RPH3AL: variants seen among roughly 807,000 people sequenced by gnomAD.
The protein encoded by RPH3AL is rabphilin 3A like (without C2 domains).
Under a neutral mutation model 43.1 loss-of-function variants are expected in RPH3AL, and 38 were observed. The ratio of observed to expected loss-of-function variants is 0.88; its 90% CI spans 0.68 to 1.15. The LOEUF (loss-of-function observed/expected upper bound fraction) is 1.15, where lower values mean the gene tolerates loss of function less well. Ranked by LOEUF, RPH3AL falls within the 50% of genes most tolerant of loss-of-function variation. The probability of loss-of-function intolerance (pLI) is 0.00; values close to 1 mark genes in which losing one functional copy is unlikely to be tolerated. For missense variants in RPH3AL, 462 were observed against 423.2 expected, an observed-to-expected ratio of 1.09 and a Z score of -0.81; for synonymous variants, 189 against 176.3, an observed-to-expected ratio of 1.07 and a Z score of -0.57.
chr17:336,578 C>A (rs908116303), intron 1 of RPH3AL, among the ~76,000 whole-genome samples: 2 of 152,200 alleles, frequency 1.3e-5, no homozygotes, highest in Admixed American at 6.5e-5. Context: ...TGCCTTGGAA[C>A]CTGCTGGGGC....
intron 7 of RPH3AL, among the ~76,000 whole-genome samples, chr17:230,456 T>C (rs2041206214): frequency 6.6e-6 from 1 of 152,094 alleles, no homozygotes; most frequent in African/African-American, 2.4e-5. Flanking sequence ...CTGGACGAGC[T>C]GGAATTTAAG....
intron 6 of RPH3AL, among the ~76,000 whole-genome samples, chr17:257,193 C>T (rs113922511): frequency 0.037 from 372 of 10,100 alleles, 1 homozygote; most frequent in African/African-American, 0.07. Flanking sequence ...TGAGGGGAGC[C>T]GCACGGTGTC....
intron 5 of RPH3AL, among the ~76,000 whole-genome samples, chr17:296,915 C>T (rs1380873080): frequency 6.6e-6 from 1 of 152,144 alleles, no homozygotes; most frequent in East Asian, 1.9e-4. Flanking sequence ...CAGAATCATC[C>T]CCTTCAAGCA....
chr17:282,549 GC>G (rs2151608006), intron 5 of RPH3AL, among the ~76,000 whole-genome samples: 1 of 152,186 alleles, frequency 6.6e-6, no homozygotes, highest in South Asian at 2.1e-4. Context: ...AAGACCCCAC[GC>G]CTGGGAGCTT....
chr17:285,913 G>A (rs73278950), intron 5 of RPH3AL, among the ~76,000 whole-genome samples: 2,361 of 152,226 alleles, frequency 0.016, 61 homozygotes, highest in African/African-American at 0.053. Flanking sequence ...ACTAATCCAC[G>A]TTACCATCAC....
chr17:336,523 G>A (rs910416248), intron 1 of RPH3AL, among the ~76,000 whole-genome samples: 3 of 152,022 alleles, frequency 2.0e-5, no homozygotes, highest in Non-Finnish European at 4.4e-5. Flanking sequence ...TCCCAGCTCC[G>A]ATGCTCCTCC....
In RPH3AL at chr17:314,527, T is replaced by C. The variant is rs1178684753; in HGVS notation, c.351+4893A>G. Among the ~76,000 whole-genome samples, 3 of 129,546 alleles carry C rather than the reference T, an allele frequency of 2.3e-5. No individual in the cohort carries two copies. In the Admixed American group the frequency reaches 2.3e-4, roughly 10 times the overall value. 85.0% of individuals were successfully genotyped at this position (129,546 alleles called of 152,430 possible). A position where few individuals can be genotyped will look rare whatever the true frequency, so the allele number is the denominator to read the frequency against. On this transcript the variant is annotated intron_variant, in intron 5 of 9. Coordinates refer to ENST00000331302, the MANE Select transcript of RPH3AL (RefSeq NM_006987.4). ...CACGTCCATTGACCTGTAGTCCCTGTGACTCCACCTCCATTGACCTGTAGT... is the reference window on the plus strand; with the variant it reads ...CACGTCCATTGACCTGTAGTCCCTGCGACTCCACCTCCATTGACCTGTAGT...
intron 1 of RPH3AL, among the ~76,000 whole-genome samples, chr17:352,023 G>A (rs1036906879): frequency 1.3e-5 from 2 of 152,154 alleles, no homozygotes; most frequent in Non-Finnish European, 1.5e-5. Context: ...AACTGGCCAC[G>A]CGGCCTTCCA....
chr17:283,025 G>T lies in RPH3AL; in HGVS notation c.352-1171C>A, dbSNP rs528072485. 6.6e-6 allele frequency among the ~76,000 whole-genome samples: 1 copy of T among 152,298 alleles called. No individual in the cohort carries two copies. The highest frequency in any genetic ancestry group is 2.1e-4 in the South Asian group (1 of 4,830). The stretch of plus-strand genomic sequence containing the variant: ...CTGGGAGGCAGAGGTGGATGTGTTG[G>T]GGCTGAGACCGGCTCCAGGCTAACC... On this transcript the variant is annotated intron_variant, in intron 5 of 9. Coordinates refer to ENST00000331302, the MANE Select transcript of RPH3AL (RefSeq NM_006987.4). This position sits in a 1 kb window ranked among gnomAD's most constrained non-coding sequence, Gnocchi z 4.2.
chr17:230,336 T>C (rs996662448), intron 7 of RPH3AL, among the ~76,000 whole-genome samples: 1 of 152,076 alleles, frequency 6.6e-6, no homozygotes, highest in Admixed American at 6.5e-5. Context: ...CTTGAGGAGC[T>C]CCAGATAGAA....
intron 7 of RPH3AL, among the ~76,000 whole-genome samples, chr17:240,173 G>A (rs549487861): frequency 8.3e-4 from 126 of 151,258 alleles, no homozygotes; most frequent in Admixed American, 2.3e-3. Context: ...GGAGGTGGAG[G>A]TTGCAGTGAG....
At chr17:307,339 TCCTCCCC>T (rs1304891158) in intron 5 of RPH3AL, among the ~76,000 whole-genome samples, 8 of 127,134 alleles carry the variant, frequency 6.3e-5, no homozygotes, top group African/African-American at 1.9e-4. Context: ...CCACGGCAGG[TCCTCCCC>T]GCGGCAGGTC....
intron 1 of RPH3AL, among the ~76,000 whole-genome samples, chr17:337,762 G>C (rs958258386): frequency 1.3e-5 from 2 of 151,442 alleles, no homozygotes; most frequent in Non-Finnish European, 2.9e-5. Context: ...CGCTGCTCGA[G>C]GGCTGGGCAG....
chr17:289,058 CG>C lies in RPH3AL; in HGVS notation c.352-7205del, dbSNP rs2042986933. Among the ~76,000 whole-genome samples the C allele has an allele frequency of 6.6e-6, 1 of 152,178 alleles. No individual in the cohort carries two copies. Among genetic ancestry groups the C allele is most frequent in the South Asian group, 2.1e-4 (1 of 4,822 alleles). On this transcript the variant is annotated intron_variant, in intron 5 of 9. Transcript: ENST00000331302. This position sits in a 1 kb window ranked among gnomAD's most constrained non-coding sequence, Gnocchi z 5.2. ...AGGGGGTTCCCCAGGGACCTGCCCACGGGACACAGGCTTTGGGGCAGGAGAG... is the reference window on the plus strand; with the variant it reads ...AGGGGGTTCCCCAGGGACCTGCCCACGGACACAGGCTTTGGGGCAGGAGAG...
chr17:262,480 C>A (rs1346578465), intron 6 of RPH3AL, among the ~76,000 whole-genome samples: 1 of 151,816 alleles, frequency 6.6e-6, no homozygotes, highest in Non-Finnish European at 1.5e-5. Context: ...TCCCAAAGTG[C>A]TGGGATTACA....
intron 6 of RPH3AL, among the ~76,000 whole-genome samples, chr17:269,024 G>T (rs546416904): frequency 2.0e-5 from 3 of 152,076 alleles, no homozygotes; most frequent in Admixed American, 6.5e-5. Context: ...GACTACAGGC[G>T]CCCGCCACCA....
intron 6 of RPH3AL, among the ~76,000 whole-genome samples, chr17:252,451 T>A (rs2041929677): frequency 6.6e-6 from 1 of 152,144 alleles, no homozygotes; most frequent in South Asian, 2.1e-4. Context: ...TGTTTTTTGT[T>A]TTTTTGAAAA....
intron 5 of RPH3AL, among the ~76,000 whole-genome samples, chr17:300,989 G>C (rs1374481368): frequency 6.6e-6 from 1 of 152,216 alleles, no homozygotes; most frequent in Non-Finnish European, 1.5e-5. Flanking sequence ...CTCACAGTGA[G>C]GCTGGGCCGT....
At chr17:317,353 T>G (rs1328830105) in intron 5 of RPH3AL, among the ~76,000 whole-genome samples, 1 of 150,282 alleles carries the variant, frequency 6.7e-6, no homozygotes, top group Non-Finnish European at 1.5e-5. Context: ...GAAGTCCCTG[T>G]GCCCCCACCT....
Sources: gnomAD v4.1 joint callset for allele counts (sites outside exome capture counted in the v4.1 genomes callset) on GRCh38, gnomAD v4.1.1 for gene constraint, Gnocchi (gnomAD v3.1) non-coding constraint, MANE v1.5 for transcripts, NCBI Gene and HGNC (gene_info 2026-07-23, HGNC 2026-07-21) for gene names.